The following BCAS3 variants were observed in gnomAD, a reference collection of about 807,000 sequenced individuals.
BCAS3 encodes BCAS4/BCAS3 fusion.
BCAS3 carries 53 observed loss-of-function variants against 116.1 expected under a neutral mutation model. The observed-to-expected ratio is 0.46, with a 90% confidence interval of 0.37 to 0.57. The LOEUF is 0.57. BCAS3 is among the 20% of genes least tolerant of loss of function. The probability of loss-of-function intolerance (pLI) is 0.00; values close to 1 mark genes in which losing one functional copy is unlikely to be tolerated. For missense variants in BCAS3, 917 were observed against 1,165.4 expected, an observed-to-expected ratio of 0.79 and a Z score of 3.10; for synonymous variants, 391 against 408.2, an observed-to-expected ratio of 0.96 and a Z score of 0.51.
In BCAS3 at chr17:60,924,441, T is replaced by C. The variant is rs774533081; in HGVS notation, c.1028T>C (p.Ile343Thr). The C allele has an allele frequency of 5.0e-6, 8 of 1,613,948 alleles. No individual in the cohort carries two copies. Among genetic ancestry groups the C allele is most frequent in the Non-Finnish European group, 6.8e-6 (8 of 1,179,912 alleles). The part of the protein sequence containing the change: ...LVSEDSDSDG[I>T]VAHFPAHEKP... ...AGTGAGGATTCTGACAGTGATGGCA[T>C]TGTGGCCCACTTCCCTGCCCATGAG... Residue 343 changes from isoleucine (I) to threonine (T), a missense_variant, in exon 13 of 24, where the codon ATT becomes ACT. By Grantham distance (89) the Ile-to-Thr change is moderately conservative. Around this residue, in one of 3 missense-constraint regions of BCAS3, gnomAD observed 807 missense variants for 1,026.0 expected, o/e 0.79. Coordinates refer to ENST00000407086, the MANE Select transcript of BCAS3 (RefSeq NM_017679.5).
Position 61,350,461 on chromosome 17 carries a change from A to C in BCAS3, c.2426-17866A>C, listed in dbSNP as rs181393259. The stretch of plus-strand genomic sequence containing the variant: ...ATAAATAAATAAATAAATAAATTTT[A>C]TTGTATGTATTTAAGGTATGCCCAA... On this transcript the variant is annotated intron_variant, in intron 22 of 23. Coordinates refer to ENST00000407086, the MANE Select transcript of BCAS3 (RefSeq NM_017679.5). Among the ~76,000 whole-genome samples the C allele has an allele frequency of 7.1e-3, 850 of 119,952 alleles. 6 individuals carry two copies. The highest frequency in any genetic ancestry group is 0.019 in the Middle Eastern group (4 of 206). 78.7% of individuals were successfully genotyped at this position (119,952 alleles called of 152,430 possible).
rs549307405 is a variant in BCAS3, at chr17:61,186,086, A to G, written c.2425+101522A>G. Among the ~76,000 whole-genome samples, 13 of 152,170 alleles carry G rather than the reference A, an allele frequency of 8.5e-5. No homozygotes were observed. Among genetic ancestry groups the G allele is most frequent in the Non-Finnish European group, 1.8e-4 (12 of 68,004 alleles). ...AAATATAATTTTTATTTTTTTGCCT[A>G]ATAGCCAATTGCTTTGAAAAATGTA... On this transcript the variant is annotated intron_variant, in intron 22 of 23. Transcript: ENST00000407086. This position sits in a 1 kb window ranked among gnomAD's most constrained non-coding sequence, Gnocchi z 4.9.
intron 7 of BCAS3, among the ~76,000 whole-genome samples, chr17:60,857,886 A>G (rs1173151056): frequency 6.6e-6 from 1 of 152,186 alleles, no homozygotes. Flanking sequence ...TCAGTTATCT[A>G]TAAACTGAGC....
chr17:61,290,866 C>T (rs1431984363), intron 22 of BCAS3, among the ~76,000 whole-genome samples: 16 of 152,060 alleles, frequency 1.1e-4, no homozygotes, highest in African/African-American at 2.7e-4. Flanking sequence ...CTGTGAGCTC[C>T]GCCTCCCGGG....
chr17:61,306,905 AT>A (rs1206344244), intron 22 of BCAS3, among the ~76,000 whole-genome samples: 1 of 152,160 alleles, frequency 6.6e-6, no homozygotes, highest in Non-Finnish European at 1.5e-5. Context: ...AGAACTTTGG[AT>A]TTTTCCCCAG....
chr17:61,045,319 G>A (rs2143090389), intron 19 of BCAS3, among the ~76,000 whole-genome samples: 1 of 151,692 alleles, frequency 6.6e-6, no homozygotes, highest in East Asian at 1.9e-4. Context: ...GACCATCCTG[G>A]GCAACATAGA....
intron 5 of BCAS3, 158 bp downstream of exon 5, chr17:60,709,483 A>G (rs1288004912): frequency 4.1e-6 from 2 of 490,302 alleles, no homozygotes; most frequent in South Asian, 2.1e-5. Context: ...TCTGCCTCCC[A>G]GCTTCAAGCG....
intron 5 of BCAS3, among the ~76,000 whole-genome samples, chr17:60,745,772 C>A (rs543077595): frequency 6.6e-6 from 1 of 152,088 alleles, no homozygotes; most frequent in African/African-American, 2.4e-5. Flanking sequence ...CATCTGCATC[C>A]CAAGTGCTAC....
chr17:60,783,516 C>T (rs1309973121), intron 6 of BCAS3, among the ~76,000 whole-genome samples: 1 of 152,164 alleles, frequency 6.6e-6, no homozygotes, highest in African/African-American at 2.4e-5. Flanking sequence ...TCAACAAATA[C>T]TGATAATGTG....
intron 15 of BCAS3, among the ~76,000 whole-genome samples, chr17:60,992,836 C>T (rs892063091): frequency 1.3e-5 from 2 of 152,008 alleles, no homozygotes; most frequent in African/African-American, 2.4e-5. Context: ...ATTGTGTTTT[C>T]TATGTAGATG....
intron 9 of BCAS3, among the ~76,000 whole-genome samples, chr17:60,888,755 A>G (rs2056925013): frequency 6.6e-6 from 1 of 152,176 alleles, no homozygotes; most frequent in South Asian, 2.1e-4. Flanking sequence ...GTTTTTTAAA[A>G]AGGGAGCAAT....
intron 22 of BCAS3, among the ~76,000 whole-genome samples, chr17:61,176,138 C>CAAAA (rs534042215): frequency 6.4e-4 from 32 of 50,026 alleles, no homozygotes; most frequent in African/African-American, 1.8e-3. Context: ...GACCCTATCT[C>CAAAA]AAAAAAAAAA....
intron 6 of BCAS3, among the ~76,000 whole-genome samples, chr17:60,773,241 G>T (rs925817543): frequency 7.0e-6 from 1 of 142,684 alleles, no homozygotes; most frequent in Non-Finnish European, 1.5e-5. Flanking sequence ...ATGCTTATTT[G>T]TCATGTATTA....
intron 19 of BCAS3, among the ~76,000 whole-genome samples, chr17:61,059,380 C>T (rs1600853371): frequency 6.6e-6 from 1 of 152,004 alleles, no homozygotes; most frequent in African/African-American, 2.4e-5. Flanking sequence ...CTGCACCTGG[C>T]CTCTCCCCGT....
intron 15 of BCAS3, among the ~76,000 whole-genome samples, chr17:60,996,619 T>C (rs975766119): frequency 6.6e-6 from 1 of 152,098 alleles, no homozygotes; most frequent in Non-Finnish European, 1.5e-5. Context: ...GGTAAGTAGG[T>C]AGTTGGTTAC....
Position 60,686,331 on chromosome 17 carries a change from G to C in BCAS3, c.138+2295G>C, listed in dbSNP as rs905961172. On this transcript the variant is annotated intron_variant, in intron 3 of 23. Transcript: ENST00000407086. Reference sequence around the variant, plus strand: ...TGTTCTACCTCCTGCTCTATTCTGGGAATCATCAAATTCATGGAGCCTAGG... The same window carrying C: ...TGTTCTACCTCCTGCTCTATTCTGGCAATCATCAAATTCATGGAGCCTAGG... Among the ~76,000 whole-genome samples, 7 of 151,982 alleles carry C rather than the reference G, an allele frequency of 4.6e-5. No individual in the cohort carries two copies. The South Asian group carries it at 1.5e-3, about 32-fold the overall frequency.
chr17:60,727,984 T>C (rs527798584), intron 5 of BCAS3, among the ~76,000 whole-genome samples: 4 of 151,854 alleles, frequency 2.6e-5, no homozygotes, highest in Non-Finnish European at 4.4e-5. Flanking sequence ...ATTTTTCTAT[T>C]TTTTTGTAGA....
rs2051731688 is a variant in BCAS3 at position 61,285,968 on chromosome 17, T to A, written c.2426-82359T>A. Among the ~76,000 whole-genome samples, 1 of 152,224 alleles carries A rather than the reference T, an allele frequency of 6.6e-6. No homozygotes were observed. Among genetic ancestry groups the A allele is most frequent in the Non-Finnish European group, 1.5e-5 (1 of 68,040 alleles). ...GTGAATACATGAATATTGCAGTTTG[T>A]CTTGTGAAACCTCAGACCTAAAACC... On this transcript the variant is annotated intron_variant, in intron 22 of 23. Coordinates refer to ENST00000407086, the MANE Select transcript of BCAS3 (RefSeq NM_017679.5). This position sits in a 1 kb window ranked among gnomAD's most constrained non-coding sequence, Gnocchi z 5.4.
intron 22 of BCAS3, among the ~76,000 whole-genome samples, chr17:61,109,429 T>C (rs2074911835): frequency 6.6e-6 from 1 of 152,144 alleles, no homozygotes; most frequent in Non-Finnish European, 1.5e-5. Flanking sequence ...GTATCTTTTT[T>C]ACATAATGAC....
Sources: allele counts gnomAD v4.1 joint callset (sites outside exome capture counted in the v4.1 genomes callset), GRCh38; gene constraint gnomAD v4.1.1; regional missense constraint gnomAD v4.1.1; non-coding constraint Gnocchi (gnomAD v3.1); transcripts MANE v1.5; gene names NCBI Gene and HGNC (gene_info 2026-07-23, HGNC 2026-07-21).